Variants in ZNF454 observed in about 807,000 individuals in gnomAD.
The protein encoded by ZNF454 is zinc finger protein 454.
A neutral mutation model predicts 48.2 loss-of-function variants in ZNF454; 30 were observed. The observed-to-expected ratio is 0.62, with a 90% CI of 0.47 to 0.84. ZNF454 has a LOEUF of 0.84. Among genes scored for constraint, ZNF454 ranks in the 40% least tolerant of loss-of-function variants. ZNF454 has a pLI of 0.00. For missense variants in ZNF454, 510 were observed against 623.1 expected (o/e 0.82, Z 1.93); for synonymous variants, 204 against 211.4 (o/e 0.97, Z 0.30).
chr5:178,981,329 C>A, the ZNF454 span: 1 of 300,804 alleles, frequency 3.3e-6, no homozygotes, highest in Non-Finnish European at 6.3e-6. This position sits in a 1 kb window ranked among gnomAD's most constrained non-coding sequence, Gnocchi z 5.1. Flanking sequence ...GCAAACCAGG[C>A]AAAGCCCAGG....
chr5:178,982,899 G>C, the ZNF454 span: 1 of 1,602,694 alleles, frequency 6.2e-7, no homozygotes, highest in Admixed American at 1.7e-5. Context: ...ACCTCCTGGG[G>C]ACCTCATTAC....
At chr5:178,977,332 G>T in the ZNF454 span, 1 of 441,608 alleles carries the variant, frequency 2.3e-6, no homozygotes, top group Non-Finnish European at 4.6e-6. Context: ...ACCCCAGGGT[G>T]CCCTCACACT....
chr5:178,966,697 G>C (rs1413460905), downstream of ZNF454, among the ~76,000 whole-genome samples: 2 of 152,134 alleles, frequency 1.3e-5, no homozygotes, highest in Non-Finnish European at 2.9e-5. Flanking sequence ...TTACATAAGA[G>C]AGTTGCCAGC....
the ZNF454 span, among the ~76,000 whole-genome samples, chr5:178,987,627 G>A: frequency 1.4e-4 from 22 of 152,184 alleles, no homozygotes; most frequent in Non-Finnish European, 2.5e-4. Context: ...GAGAGGGGCC[G>A]TGGAATGGCG....
At position 178,964,946 on chromosome 5, in the gene ZNF454, G is replaced by T; in HGVS notation, c.542G>T (p.Ser181Ile). ...CCTAGCAAAAATGCCTTTGAGTGTA[G>T]TGAGTGTGGAAAAGTCTTCTCTAAG... ...FQPSKNAFEC[S>I]ECGKVFSKSS... Residue 181 changes from serine (S) to isoleucine (I), a missense_variant, in exon 5 of 5, where the codon AGT (serine) becomes ATT (isoleucine). By Grantham distance (142) the Ser-to-Ile change is moderately radical. Coordinates refer to ENST00000519564, the MANE Select transcript of ZNF454 (RefSeq NM_001178089.3). The T allele has an allele frequency of 6.2e-7, 1 of 1,614,218 alleles. No individual in the cohort carries two copies.
chr5:178,988,811 G>C, the ZNF454 span: 1 of 744,828 alleles, frequency 1.3e-6, no homozygotes, highest in Non-Finnish European at 2.3e-6. The surrounding 1 kb of genome is among the most constrained non-coding windows in gnomAD (Gnocchi z 6.0). Flanking sequence ...CTCAGCCCCA[G>C]GCACCCCCAT....
the ZNF454 span, chr5:178,976,161 T>C: frequency 4.4e-6 from 2 of 454,878 alleles, no homozygotes; most frequent in Middle Eastern, 3.3e-4. Context: ...CCCCACCTCC[T>C]TCAGATGAAG....
At chr5:178,977,672 C>T in the ZNF454 span, among the ~76,000 whole-genome samples, 3 of 151,970 alleles carry the variant, frequency 2.0e-5, no homozygotes, top group African/African-American at 4.8e-5. Context: ...CGGGTTCAAG[C>T]GATTCTCCAG....
chr5:178,948,316 C>A (rs892531157), intron 4 of ZNF454, among the ~76,000 whole-genome samples: 1 of 151,988 alleles, frequency 6.6e-6, no homozygotes, highest in Non-Finnish European at 1.5e-5. Flanking sequence ...ATTCCATTAC[C>A]AAACTAAGGC....
At chr5:178,987,307 C>T in the ZNF454 span, 11 of 518,516 alleles carry the variant, frequency 2.1e-5, no homozygotes, top group East Asian at 5.2e-5. Context: ...GTTCCACTCC[C>T]GGGTAGATAC....
chr5:178,967,860 C>T (rs1333425778), downstream of ZNF454, among the ~76,000 whole-genome samples: 1 of 151,564 alleles, frequency 6.6e-6, no homozygotes, highest in Non-Finnish European at 1.5e-5. Context: ...CTGCCTCAGC[C>T]TCCCGAGTAG....
chr5:178,960,318 A>G (rs1426158069), intron 4 of ZNF454, among the ~76,000 whole-genome samples: 1 of 149,216 alleles, frequency 6.7e-6, no homozygotes, highest in East Asian at 2.1e-4. Flanking sequence ...AGTGCAATGG[A>G]AAGATCTTGG....
chr5:178,989,211 A>AGG, the ZNF454 span: 4 of 121,734 alleles, frequency 3.3e-5, no homozygotes, highest in Non-Finnish European at 5.3e-5. Flanking sequence ...CCCCCTCCCC[A>AGG]CCCTCACCAC....
At chr5:178,969,451 C>T (rs1294323723), downstream of ZNF454, 1 of 456,760 alleles carries the variant, frequency 2.2e-6, no homozygotes, top group South Asian at 1.5e-5. Flanking sequence ...CATTCCATAC[C>T]TTGCTCTTGT....
At chr5:178,966,850 G>C (rs1760170719), downstream of ZNF454, among the ~76,000 whole-genome samples, 1 of 152,048 alleles carries the variant, frequency 6.6e-6, no homozygotes, top group African/African-American at 2.4e-5. Context: ...TCTGTCTGCT[G>C]GCTTCATCCC....
At chr5:178,987,914 CA>C in the ZNF454 span, among the ~76,000 whole-genome samples, 5 of 142,466 alleles carry the variant, frequency 3.5e-5, no homozygotes, top group East Asian at 4.2e-4. Flanking sequence ...CACCCGTCGC[CA>C]TGCCCAGCTA....
the ZNF454 span, chr5:178,989,955 G>A: frequency 7.3e-5 from 15 of 205,388 alleles, no homozygotes; most frequent in South Asian, 4.7e-4. Flanking sequence ...TGCCTTTATC[G>A]CTAAAACTAC....
the ZNF454 span, among the ~76,000 whole-genome samples, chr5:178,984,380 G>C: frequency 6.6e-6 from 1 of 152,222 alleles, no homozygotes; most frequent in Non-Finnish European, 1.5e-5. Context: ...AAGCCCCATG[G>C]CCGGCGCACT....
At chr5:178,981,591 A>G in the ZNF454 span, 10 of 1,280,052 alleles carry the variant, frequency 7.8e-6, no homozygotes, top group Non-Finnish European at 1.1e-5. This position sits in a 1 kb window ranked among gnomAD's most constrained non-coding sequence, Gnocchi z 5.1. Context: ...GGCTCTATAC[A>G]GCTTCCACCT....
Sources: allele counts gnomAD v4.1 joint callset (sites outside exome capture counted in the v4.1 genomes callset), GRCh38; gene constraint gnomAD v4.1.1; non-coding constraint Gnocchi (gnomAD v3.1); transcripts MANE v1.5; gene names NCBI Gene and HGNC (gene_info 2026-07-23, HGNC 2026-07-21).